The following GOLM1 variants were observed in gnomAD, a reference collection of about 807,000 sequenced individuals.
GOLM1 encodes the protein epididymis luminal protein 46.
In GOLM1, 31 loss-of-function variants were observed where a neutral mutation model predicts 50.5. The ratio of observed to expected loss-of-function variants is 0.61; its 90% CI spans 0.46 to 0.83. The LOEUF is 0.83. Ranked by LOEUF, GOLM1 falls within the 40% of genes least tolerant of loss-of-function variation. GOLM1 has a pLI of 0.00. For missense variants in GOLM1, 491 were observed against 501.3 expected (o/e 0.98, Z 0.20); for synonymous variants, 178 against 192.8 (o/e 0.92, Z 0.64).
At chr9:86,074,610 G>A (rs1338431701) in intron 3 of GOLM1, among the ~76,000 whole-genome samples, 1 of 152,178 alleles carries the variant, frequency 6.6e-6, no homozygotes, top group Non-Finnish European at 1.5e-5. Context: ...GGGCTCTCTA[G>A]GGTCTAGGTG....
intron 3 of GOLM1, among the ~76,000 whole-genome samples, chr9:86,069,603 G>A (rs1044918751): frequency 2.6e-5 from 4 of 152,166 alleles, no homozygotes; most frequent in African/African-American, 7.2e-5. Flanking sequence ...GCCAGTGGAC[G>A]GATTCCTCCT....
chr9:86,088,420 G>GTACATA (rs1554675516), intron 1 of GOLM1, among the ~76,000 whole-genome samples: 33 of 86,306 alleles, frequency 3.8e-4, no homozygotes, highest in Admixed American at 2.4e-4. Context: ...TTTGAAGGGT[G>GTACATA]TATATATATA....
At chr9:86,085,852 A>G (rs1057423915) in intron 1 of GOLM1, among the ~76,000 whole-genome samples, 1 of 152,234 alleles carries the variant, frequency 6.6e-6, no homozygotes, top group Non-Finnish European at 1.5e-5. Context: ...TATACGTGCC[A>G]TATTTTCTTT....
intron 1 of GOLM1, among the ~76,000 whole-genome samples, chr9:86,088,420 G>GTGTGTATATATATATATATATA (rs1157260470): frequency 1.2e-5 from 1 of 86,306 alleles, no homozygotes; most frequent in African/African-American, 5.8e-5. Flanking sequence ...TTTGAAGGGT[G>GTGTGTATATATATATATATATA]TATATATATA....
chr9:86,097,397 G>A (rs78015616), intron 1 of GOLM1, among the ~76,000 whole-genome samples: 5,411 of 152,008 alleles, frequency 0.036, 293 homozygotes, highest in East Asian at 0.27. Context: ...AATTACAAAT[G>A]TTATTTCTCA....
chr9:86,085,753 T>TA (rs754159630), intron 1 of GOLM1, among the ~76,000 whole-genome samples: 26 of 152,174 alleles, frequency 1.7e-4, no homozygotes, highest in Non-Finnish European at 2.8e-4. Context: ...GTTCCTGTGT[T>TA]AGTTTGCTGA....
chr9:86,053,374 ACACACACCAAAC>A (rs1833841176), intron 3 of GOLM1, among the ~76,000 whole-genome samples: 1 of 114,752 alleles, frequency 8.7e-6, no homozygotes, highest in Non-Finnish European at 1.8e-5. Context: ...ACTCCACACC[ACACACACCAAAC>A]CACACATCAG....
intron 9 of GOLM1, among the ~76,000 whole-genome samples, chr9:86,028,265 A>G (rs1832848417): frequency 6.6e-6 from 1 of 152,202 alleles, no homozygotes; most frequent in Non-Finnish European, 1.5e-5. Context: ...CCCAGCGGGC[A>G]CACACACAAG....
At chr9:86,087,591 T>C (rs1195818106) in intron 1 of GOLM1, among the ~76,000 whole-genome samples, 1 of 152,178 alleles carries the variant, frequency 6.6e-6, no homozygotes, top group East Asian at 1.9e-4. Context: ...TGTAAATAGC[T>C]CTTATTATTT....
intron 1 of GOLM1, among the ~76,000 whole-genome samples, chr9:86,082,910 T>C (rs576719600): frequency 6.6e-6 from 1 of 152,378 alleles, no homozygotes; most frequent in African/African-American, 2.4e-5. Flanking sequence ...CCATTCACAC[T>C]CTTCTGTAAA....
rs1032146146 is a variant in GOLM1, at chr9:86,082,249, A to T, written c.-21-2908T>A. The stretch of plus-strand genomic sequence containing the variant: ...TCCCCCATTAGCCAGGATGGTCTTG[A>T]TCTCCTGACCTTGTGATCCGCCCGC... On this transcript the variant is annotated intron_variant, in intron 1 of 9. Transcript: ENST00000388712. Among the ~76,000 whole-genome samples, 18 of 151,028 alleles carry T rather than the reference A, an allele frequency of 1.2e-4. 1 individual carries two copies. Among genetic ancestry groups the T allele is most frequent in the Non-Finnish European group, 1.9e-4 (13 of 67,698 alleles).
At chr9:86,085,485 T>G (rs1729182232) in intron 1 of GOLM1, among the ~76,000 whole-genome samples, 1 of 151,820 alleles carries the variant, frequency 6.6e-6, no homozygotes. Context: ...GTTCTACTTT[T>G]TTTTTAAATT....
At chr9:86,057,066 A>T (rs1834015128) in intron 3 of GOLM1, among the ~76,000 whole-genome samples, 1 of 152,194 alleles carries the variant, frequency 6.6e-6, no homozygotes, top group Non-Finnish European at 1.5e-5. Flanking sequence ...GGGTAGCTGT[A>T]CTTCCTGGTG....
rs905412526 is a variant in GOLM1 at position 86,029,006 on chromosome 9, G to A, written c.1130-1113C>T. On this transcript the variant is annotated intron_variant, in intron 9 of 9. Transcript: ENST00000388712. ...TGGGACTACAGGCGCCCGCCACCAC[G>A]CCCGGCTGATTTCTTTTTGTTGTTG... Among the ~76,000 whole-genome samples the A allele has an allele frequency of 3.3e-5, 5 of 152,080 alleles. No homozygotes were observed. The East Asian group carries it at 9.7e-4, about 30-fold the overall frequency.
upstream of GOLM1, chr9:86,100,059 G>GT (rs1835491578): frequency 6.6e-6 from 1 of 152,256 alleles, no homozygotes; most frequent in Admixed American, 6.5e-5. Context: ...GGCATTCCCT[G>GT]TTGACCATCA....
rs542132009 is a variant in GOLM1 at position 86,058,216 on chromosome 9, C to T, written c.310-5625G>A. Among the ~76,000 whole-genome samples, 14 of 152,114 alleles carry T rather than the reference C, an allele frequency of 9.2e-5. No homozygotes were observed. In the East Asian group the frequency reaches 9.7e-4, roughly 10 times the overall value. Reference sequence around the variant, plus strand: ...ATAGAAATAAAATGTCAGTTGTACCCGGAAATTAAAAATTTTCTAATAGCC... The same window carrying T: ...ATAGAAATAAAATGTCAGTTGTACCTGGAAATTAAAAATTTTCTAATAGCC... On this transcript the variant is annotated intron_variant, in intron 3 of 9. Transcript: ENST00000388712.
chr9:86,059,830 G>T (rs1341614000), intron 3 of GOLM1, among the ~76,000 whole-genome samples: 1 of 150,538 alleles, frequency 6.6e-6, no homozygotes, highest in Non-Finnish European at 1.5e-5. Context: ...AACCCAGGAG[G>T]TGGAGGTTGC....
chr9:86,026,858 G>A lies in GOLM1; in HGVS notation c.*959C>T, dbSNP rs1832801571. On this transcript the variant is annotated 3_prime_UTR_variant, in exon 10 of 10. Coordinates refer to ENST00000388712, the MANE Select transcript of GOLM1 (RefSeq NM_016548.4). ...TGATAAAAACAACCATTGTATTCCT[G>A]TTTTTCTAAACAGTCCTAATTTCTA... 1 of 982,920 alleles carries A rather than the reference G, an allele frequency of 1.0e-6. No homozygotes were observed. Among genetic ancestry groups the A allele is most frequent in the African/African-American group, 1.8e-5 (1 of 57,140 alleles). The allele number at this position is 982,920 out of a possible 1,614,324, so 60.9% of individuals were successfully genotyped here. A position where few individuals can be genotyped will look rare whatever the true frequency, so the allele number is the denominator to read the frequency against.
chr9:86,031,505 A>G (rs1332672202), intron 9 of GOLM1, among the ~76,000 whole-genome samples: 1 of 116,312 alleles, frequency 8.6e-6, no homozygotes, highest in East Asian at 2.8e-4. Flanking sequence ...CTTCTTGCCC[A>G]GGCTGGAGTG....
Sources: gnomAD v4.1 joint callset for allele counts (sites outside exome capture counted in the v4.1 genomes callset) on GRCh38, gnomAD v4.1.1 for gene constraint, MANE v1.5 for transcripts, NCBI Gene and HGNC (gene_info 2026-07-23, HGNC 2026-07-21) for gene names.